OPCML: variants seen among roughly 807,000 people sequenced by gnomAD.
OPCML encodes the protein opioid binding protein/cell adhesion molecule like.
In OPCML, 13 loss-of-function variants were observed where a neutral mutation model predicts 37.8. That is an observed-to-expected ratio of 0.34 (90% confidence interval 0.22 to 0.55). The LOEUF is 0.55. OPCML is among the 20% of genes least tolerant of loss of function. OPCML has a pLI of 0.91. For synonymous variants in OPCML, 176 were observed against 168.8 expected (o/e 1.04, Z -0.33); for missense variants, 341 against 435.6 (o/e 0.78, Z 1.93).
intron 1 of OPCML, among the ~76,000 whole-genome samples, chr11:133,028,866 A>G (rs1034140435): frequency 1.3e-5 from 2 of 149,200 alleles, no homozygotes; most frequent in Non-Finnish European, 2.9e-5. Flanking sequence ...ATTGGGACCT[A>G]ATTAAACTAA....
intron 3 of OPCML, among the ~76,000 whole-genome samples, chr11:132,639,400 A>C (rs2135717413): frequency 6.6e-6 from 1 of 152,346 alleles, no homozygotes; most frequent in South Asian, 2.1e-4. Flanking sequence ...GAGCAGGACA[A>C]GGCAGGAGCC....
At chr11:132,447,319 CAG>C (rs2096058003) in intron 4 of OPCML, among the ~76,000 whole-genome samples, 1 of 152,128 alleles carries the variant, frequency 6.6e-6, no homozygotes, top group African/African-American at 2.4e-5. Flanking sequence ...TCTTTTGAGA[CAG>C]AGTTTCACGC....
At chr11:132,654,917 A>C (rs1941630222) in intron 3 of OPCML, among the ~76,000 whole-genome samples, 1 of 151,806 alleles carries the variant, frequency 6.6e-6, no homozygotes, top group African/African-American at 2.4e-5. Flanking sequence ...TTGGCCTGGA[A>C]TGCGGAGACT....
intron 2 of OPCML, among the ~76,000 whole-genome samples, chr11:132,857,130 T>C (rs913933740): frequency 6.6e-6 from 1 of 152,212 alleles, no homozygotes; most frequent in Non-Finnish European, 1.5e-5. Flanking sequence ...AATTTCCCCA[T>C]ATCCTTCTCA....
At chr11:132,579,459 C>G (rs369117377) in intron 3 of OPCML, among the ~76,000 whole-genome samples, 23 of 151,436 alleles carry the variant, frequency 1.5e-4, no homozygotes, top group African/African-American at 5.3e-4. Context: ...GCACATCAGG[C>G]ATGATTTTAA....
intron 2 of OPCML, among the ~76,000 whole-genome samples, chr11:132,714,762 G>GC (rs1429885071): frequency 6.6e-6 from 1 of 152,148 alleles, no homozygotes; most frequent in Non-Finnish European, 1.5e-5. Context: ...GGACACACCG[G>GC]TTTTCCATTC....
intron 2 of OPCML, among the ~76,000 whole-genome samples, chr11:132,672,448 A>G (rs1942517252): frequency 6.6e-6 from 1 of 152,132 alleles, no homozygotes; most frequent in South Asian, 2.1e-4. Flanking sequence ...ACCATCTCCC[A>G]CCTTCATTAA....
chr11:132,459,458 T>G (rs1464828279), intron 4 of OPCML, among the ~76,000 whole-genome samples: 1 of 148,480 alleles, frequency 6.7e-6, no homozygotes, highest in East Asian at 2.0e-4. Flanking sequence ...CATATCTACT[T>G]CCTATATATA....
intron 2 of OPCML, among the ~76,000 whole-genome samples, chr11:132,695,682 T>C (rs1943575131): frequency 1.3e-5 from 2 of 152,186 alleles, no homozygotes; most frequent in Admixed American, 6.5e-5. Flanking sequence ...GAGATCTCAC[T>C]AGACACATCT....
At chr11:133,348,757 T>C (rs1176763539) in intron 1 of OPCML, among the ~76,000 whole-genome samples, 1 of 152,208 alleles carries the variant, frequency 6.6e-6, no homozygotes, top group African/African-American at 2.4e-5. Flanking sequence ...TACAAGAGAA[T>C]GATAAGTCAA....
At chr11:133,175,498 A>T (rs1592074526) in intron 1 of OPCML, among the ~76,000 whole-genome samples, 2 of 151,748 alleles carry the variant, frequency 1.3e-5, no homozygotes, top group South Asian at 4.2e-4. Context: ...AAAAAAAAAA[A>T]CAGAACTAGG....
At chr11:133,128,702 G>C (rs1360427499) in intron 1 of OPCML, among the ~76,000 whole-genome samples, 2 of 152,172 alleles carry the variant, frequency 1.3e-5, no homozygotes, top group Non-Finnish European at 2.9e-5. Context: ...GGGTGGAAAA[G>C]ATACAGATTC....
chr11:132,932,167 A>G (rs1417516217), intron 2 of OPCML, among the ~76,000 whole-genome samples: 1 of 152,128 alleles, frequency 6.6e-6, no homozygotes, highest in East Asian at 1.9e-4. Context: ...AAGAATGGGG[A>G]GTTATTGTTT....
chr11:132,529,265 G>C, intron 3 of OPCML, 79 bp from the exon 4 acceptor site: 1 of 1,486,074 alleles, frequency 6.7e-7, no homozygotes. Flanking sequence ...ACAAATTTTT[G>C]TATAGCATGT....
chr11:133,085,332 C>T (rs1335394680), intron 1 of OPCML, among the ~76,000 whole-genome samples: 2 of 152,146 alleles, frequency 1.3e-5, no homozygotes, highest in South Asian at 2.1e-4. Context: ...ATACACAATA[C>T]CTCCTTTCTG....
At chr11:133,527,008 G>A (rs1318181944) in intron 1 of OPCML, among the ~76,000 whole-genome samples, 2 of 152,228 alleles carry the variant, frequency 1.3e-5, no homozygotes, top group Non-Finnish European at 2.9e-5. Flanking sequence ...TGAGCTCACT[G>A]ACAGGAATCA....
chr11:132,790,483 T>A (rs374101838), intron 2 of OPCML, among the ~76,000 whole-genome samples: 58 of 152,326 alleles, frequency 3.8e-4, no homozygotes, highest in African/African-American at 1.4e-3. Flanking sequence ...TAAGTGAGAA[T>A]AACTATTATG....
intron 3 of OPCML, among the ~76,000 whole-genome samples, chr11:132,533,287 C>A (rs902611999): frequency 6.6e-6 from 1 of 152,040 alleles, no homozygotes; most frequent in Non-Finnish European, 1.5e-5. Flanking sequence ...TGCACAACTA[C>A]GGTAACTTCA....
intron 2 of OPCML, among the ~76,000 whole-genome samples, chr11:132,747,834 T>C (rs1945688496): frequency 6.6e-6 from 1 of 152,138 alleles, no homozygotes; most frequent in Non-Finnish European, 1.5e-5. Flanking sequence ...ACGTAGTGTA[T>C]ATATACTTAG....
Sources: allele counts gnomAD v4.1 joint callset (sites outside exome capture counted in the v4.1 genomes callset), GRCh38; gene constraint gnomAD v4.1.1; transcripts MANE v1.5; gene names NCBI Gene and HGNC (gene_info 2026-07-23, HGNC 2026-07-21).